Variants in RBFOX1 observed in about 807,000 individuals in gnomAD.
The protein encoded by RBFOX1 is RNA binding fox-1 homolog 1.
RBFOX1 carries 8 observed loss-of-function variants against 57.7 expected under a neutral mutation model. The ratio of observed to expected loss-of-function variants is 0.14; its 90% CI spans 0.08 to 0.25. The LOEUF (loss-of-function observed/expected upper bound fraction) is 0.25, where lower values mean the gene tolerates loss of function less well. Ranked by LOEUF, RBFOX1 falls within the 10% of genes least tolerant of loss-of-function variation. The pLI is 1.00. For missense variants in RBFOX1, 611 were observed against 548.5 expected (o/e 1.11, Z -1.14); for synonymous variants, 326 against 222.4 (o/e 1.47, Z -4.15).
intron 4 of RBFOX1, among the ~76,000 whole-genome samples, chr16:7,355,201 T>A (rs1037804449): frequency 3.9e-5 from 6 of 152,302 alleles, no homozygotes; most frequent in Admixed American, 3.3e-4. Context: ...TCCCCATCAG[T>A]TGGCTTTGTG....
At chr16:6,204,945 G>C (rs2097244221) in intron 1 of RBFOX1, among the ~76,000 whole-genome samples, 1 of 152,136 alleles carries the variant, frequency 6.6e-6, no homozygotes, top group South Asian at 2.1e-4. Flanking sequence ...AACCTTCAAA[G>C]CTAACTCTGC....
chr16:5,671,213 C>G (rs2050003296), intron 3 of RBFOX1, among the ~76,000 whole-genome samples: 1 of 152,196 alleles, frequency 6.6e-6, no homozygotes, highest in South Asian at 2.1e-4. Flanking sequence ...AAGTTTCAAT[C>G]TGCAACTTAA....
chr16:6,518,675 C>T (rs1022628524), intron 2 of RBFOX1, among the ~76,000 whole-genome samples: 1 of 152,026 alleles, frequency 6.6e-6, no homozygotes, highest in African/African-American at 2.4e-5. Flanking sequence ...GAGTAACTGC[C>T]CTTTGAATTT....
chr16:7,490,842 C>T (rs1024105685), intron 4 of RBFOX1, among the ~76,000 whole-genome samples: 5 of 152,168 alleles, frequency 3.3e-5, no homozygotes, highest in Non-Finnish European at 5.9e-5. Context: ...GAAACAGCAC[C>T]TGCTGTTACT....
At chr16:5,387,925 G>A (rs1326385893) in intron 1 of RBFOX1, among the ~76,000 whole-genome samples, 1 of 152,194 alleles carries the variant, frequency 6.6e-6, no homozygotes, top group Admixed American at 6.5e-5. Context: ...CGATCTCATG[G>A]GAGAGAAACT....
chr16:6,622,953 C>T (rs1042201499), intron 2 of RBFOX1, among the ~76,000 whole-genome samples: 3 of 152,164 alleles, frequency 2.0e-5, no homozygotes, highest in African/African-American at 2.4e-5. Context: ...GGTCTTCTTA[C>T]TTTAGACTCT....
At chr16:7,603,017 C>T (rs1043604446) in intron 9 of RBFOX1, among the ~76,000 whole-genome samples, 1 of 152,168 alleles carries the variant, frequency 6.6e-6, no homozygotes, top group African/African-American at 2.4e-5. Context: ...TTTAAAAATT[C>T]TTGACATAAA....
chr16:7,050,710 G>A (rs988007907), intron 3 of RBFOX1, among the ~76,000 whole-genome samples: 5 of 152,002 alleles, frequency 3.3e-5, no homozygotes, highest in Non-Finnish European at 5.9e-5. Context: ...TTAAAACTAT[G>A]TTTCTAAATG....
chr16:6,497,644 C>T (rs987813671), intron 2 of RBFOX1, among the ~76,000 whole-genome samples: 5 of 151,962 alleles, frequency 3.3e-5, no homozygotes, highest in African/African-American at 4.8e-5. Flanking sequence ...GCAACCTCTG[C>T]CTCCCAGGTT....
At chr16:6,634,595 T>C (rs888917212) in intron 2 of RBFOX1, among the ~76,000 whole-genome samples, 15 of 145,996 alleles carry the variant, frequency 1.0e-4, no homozygotes, top group African/African-American at 3.7e-4. Context: ...ATATATAATA[T>C]TAATCTATGT....
intron 2 of RBFOX1, among the ~76,000 whole-genome samples, chr16:6,382,189 C>A (rs1596381356): frequency 6.6e-6 from 1 of 152,208 alleles, no homozygotes; most frequent in Non-Finnish European, 1.5e-5. Context: ...CCTTTTTCCC[C>A]AACCATTTAA....
At chr16:5,924,780 T>C (rs748432800) in intron 4 of RBFOX1, among the ~76,000 whole-genome samples, 1 of 152,196 alleles carries the variant, frequency 6.6e-6, no homozygotes, top group Non-Finnish European at 1.5e-5. Flanking sequence ...CTTATCTTCA[T>C]GATTTTTTGT....
chr16:7,245,635 A>T (rs186447043), intron 4 of RBFOX1, among the ~76,000 whole-genome samples: 1 of 152,368 alleles, frequency 6.6e-6, no homozygotes, highest in Admixed American at 6.5e-5. Flanking sequence ...AGAAAGAGCT[A>T]TGCTGATAAA....
chr16:5,904,259 A>G (rs1361854945), intron 4 of RBFOX1, among the ~76,000 whole-genome samples: 2 of 152,092 alleles, frequency 1.3e-5, no homozygotes, highest in Non-Finnish European at 2.9e-5. Flanking sequence ...TTCTGTGGGA[A>G]TTTATTAAAT....
intron 4 of RBFOX1, among the ~76,000 whole-genome samples, chr16:7,219,828 A>C (rs552149936): frequency 6.6e-6 from 1 of 152,302 alleles, no homozygotes; most frequent in East Asian, 1.9e-4. Flanking sequence ...CCTTCCACCA[A>C]AGGATTTCCC....
chr16:7,286,855 C>G (rs1767347487), intron 4 of RBFOX1, among the ~76,000 whole-genome samples: 1 of 152,006 alleles, frequency 6.6e-6, no homozygotes, highest in Non-Finnish European at 1.5e-5. Context: ...TCTCAAACTC[C>G]TGACCTCAGA....
intron 1 of RBFOX1, among the ~76,000 whole-genome samples, chr16:6,230,373 G>A (rs2097449894): frequency 1.3e-5 from 2 of 152,120 alleles, no homozygotes; most frequent in Non-Finnish European, 2.9e-5. Context: ...TTTCACACAT[G>A]AGAGAATTGG....
intron 2 of RBFOX1, among the ~76,000 whole-genome samples, chr16:6,638,635 C>G (rs1046256682): frequency 5.3e-5 from 8 of 152,120 alleles, no homozygotes; most frequent in African/African-American, 1.9e-4. Flanking sequence ...ATTTTTTACA[C>G]TAATTTATAT....
chr16:6,076,477 T>C (rs1294140484), intron 1 of RBFOX1, among the ~76,000 whole-genome samples: 3 of 152,074 alleles, frequency 2.0e-5, no homozygotes, highest in Admixed American at 2.0e-4. Context: ...GCCTGTTTTT[T>C]TGTTTTTTGA....
Sources: allele counts gnomAD v4.1 joint callset (sites outside exome capture counted in the v4.1 genomes callset), GRCh38; gene constraint gnomAD v4.1.1; transcripts MANE v1.5; gene names NCBI Gene and HGNC (gene_info 2026-07-23, HGNC 2026-07-21).